NUMB: variants seen among roughly 807,000 people sequenced by gnomAD.
The protein encoded by NUMB is protein numb homolog.
NUMB carries 29 observed loss-of-function variants against 59.7 expected under a neutral mutation model. That is an observed-to-expected ratio of 0.49 (90% CI 0.36 to 0.66). NUMB has a LOEUF of 0.66. Among genes scored for constraint, NUMB ranks in the 30% least tolerant of loss-of-function variants. The probability of loss-of-function intolerance (pLI) is 0.00; values close to 1 mark genes in which losing one functional copy is unlikely to be tolerated. For synonymous variants in NUMB, 288 were observed against 288.2 expected, an observed-to-expected ratio of 1.00 and a Z score of 0.01; for missense variants, 723 against 822.0, an observed-to-expected ratio of 0.88 and a Z score of 1.47.
chr14:73,419,306 T>A (rs950829863), intron 1 of NUMB, among the ~76,000 whole-genome samples: 3 of 152,002 alleles, frequency 2.0e-5, no homozygotes, highest in Non-Finnish European at 2.9e-5. Flanking sequence ...ATCAGGAGAT[T>A]GAGACAATCC....
rs7158916 is a variant in NUMB, at chr14:73,293,398, T to C, written c.310-524A>G. Among the ~76,000 whole-genome samples the C allele has an allele frequency of 2.1e-3, 301 of 141,048 alleles. 3 individuals are homozygous for C. The highest frequency in any genetic ancestry group is 7.2e-3 in the African/African-American group (279 of 38,666). The allele number at this position is 141,048 out of a possible 152,430, so 92.5% of individuals were successfully genotyped here. On this transcript the variant is annotated intron_variant, in intron 7 of 12. Transcript: ENST00000555238. ...ATTTCCACTCGTTTCTTTTTCTTTT[T>C]TTTTTTTTTTTTTTGGACAGTCTCA...
intron 1 of NUMB, among the ~76,000 whole-genome samples, chr14:73,419,660 G>A (rs75076705): frequency 0.014 from 2,096 of 152,084 alleles, 51 homozygotes; most frequent in African/African-American, 0.047. Flanking sequence ...TAAGTAAAAC[G>A]GGGAGCTAAG....
At chr14:73,431,318 C>T (rs1480803898) in intron 1 of NUMB, among the ~76,000 whole-genome samples, 1 of 150,596 alleles carries the variant, frequency 6.6e-6, no homozygotes, top group Non-Finnish European at 1.5e-5. Context: ...GGCACTGGCG[C>T]GATCTCGGCT....
At chr14:73,332,784 G>A (rs1466484706) in intron 4 of NUMB, among the ~76,000 whole-genome samples, 10 of 35,622 alleles carry the variant, frequency 2.8e-4, no homozygotes, top group African/African-American at 1.5e-3. Flanking sequence ...CACAGCCCCC[G>A]GCAACTACCA....
chr14:73,326,624 T>C (rs908571655), intron 4 of NUMB, among the ~76,000 whole-genome samples: 2 of 149,542 alleles, frequency 1.3e-5, no homozygotes, highest in Non-Finnish European at 3.0e-5. Flanking sequence ...AGAAACTTTG[T>C]CTCAAAAAAA....
At chr14:73,328,983 C>T (rs935454592) in intron 4 of NUMB, among the ~76,000 whole-genome samples, 1 of 152,204 alleles carries the variant, frequency 6.6e-6, no homozygotes, top group African/African-American at 2.4e-5. Context: ...ATTCTTCTGC[C>T]TCATCCTCCT....
rs145284925 is a variant in NUMB, at chr14:73,418,701, G to A, written c.-232-8633C>T. ...CAAGAGAATCGCTTGAACCCGGGAG[G>A]CGGAGGTTGCAGTGAGCCGAAACTG... On this transcript the variant is annotated intron_variant, in intron 1 of 12. Coordinates refer to ENST00000555238, the MANE Select transcript of NUMB (RefSeq NM_001005743.2). Among the ~76,000 whole-genome samples, 1,025 of 152,132 alleles carry A rather than the reference G, an allele frequency of 6.7e-3. 13 individuals carry two copies. Among genetic ancestry groups the A allele is most frequent in the African/African-American group, 0.023 (959 of 41,482 alleles).
intron 1 of NUMB, among the ~76,000 whole-genome samples, chr14:73,411,942 T>TTTTG (rs1896913162): frequency 8.1e-6 from 1 of 122,730 alleles, no homozygotes. Flanking sequence ...TTTTTTTTTT[T>TTTTG]GAGACAGGGT....
chr14:73,378,241 C>T (rs571544768), intron 2 of NUMB, among the ~76,000 whole-genome samples: 134 of 152,296 alleles, frequency 8.8e-4, no homozygotes, highest in African/African-American at 3.2e-3. Flanking sequence ...ATCCAAAACA[C>T]TGACCACACC....
At chr14:73,364,569 TAGTC>T (rs1447589873) in intron 3 of NUMB, among the ~76,000 whole-genome samples, 16 of 152,244 alleles carry the variant, frequency 1.1e-4, no homozygotes, top group African/African-American at 3.8e-4. Context: ...TAGCAAACCT[TAGTC>T]ATAATAGTGA....
At chr14:73,411,390 C>G (rs778041921) in intron 1 of NUMB, among the ~76,000 whole-genome samples, 2 of 151,646 alleles carry the variant, frequency 1.3e-5, no homozygotes, top group Non-Finnish European at 2.9e-5. Context: ...GCAGATACCA[C>G]AGAATTGTGG....
intron 2 of NUMB, among the ~76,000 whole-genome samples, chr14:73,374,536 A>G (rs1245317555): frequency 6.6e-6 from 1 of 152,168 alleles, no homozygotes; most frequent in Non-Finnish European, 1.5e-5. Context: ...CTTCTATTTC[A>G]TAAGTAATTG....
At chr14:73,381,901 T>C (rs1336549451) in intron 2 of NUMB, among the ~76,000 whole-genome samples, 2 of 152,046 alleles carry the variant, frequency 1.3e-5, no homozygotes, top group Non-Finnish European at 2.9e-5. Flanking sequence ...AAAAATAAAA[T>C]GCAGAGTTAA....
chr14:73,327,265 ATTAT>A (rs1397244783), intron 4 of NUMB, among the ~76,000 whole-genome samples: 2 of 151,800 alleles, frequency 1.3e-5, no homozygotes, highest in Non-Finnish European at 2.9e-5. Context: ...GAGAATTATT[ATTAT>A]TTTTTTGAGA....
chr14:73,450,750 C>T (rs747100538), intron 1 of NUMB, among the ~76,000 whole-genome samples: 1 of 150,964 alleles, frequency 6.6e-6, no homozygotes, highest in Non-Finnish European at 1.5e-5. Context: ...GATCGTGCCA[C>T]AGCACTCCAG....
chr14:73,312,451 T>C (rs1890826803), intron 6 of NUMB, among the ~76,000 whole-genome samples: 1 of 152,090 alleles, frequency 6.6e-6, no homozygotes, highest in Non-Finnish European at 1.5e-5. Context: ...CAGTTGCTCA[T>C]GCTTGTAATC....
intron 2 of NUMB, among the ~76,000 whole-genome samples, chr14:73,382,279 T>C (rs759105742): frequency 1.8e-4 from 28 of 152,108 alleles, no homozygotes; most frequent in Non-Finnish European, 4.1e-4. Context: ...CCTGAGCAGC[T>C]GGGATTACAG....
intron 4 of NUMB, among the ~76,000 whole-genome samples, chr14:73,344,422 T>C (rs1299646715): frequency 6.6e-6 from 1 of 152,220 alleles, no homozygotes; most frequent in East Asian, 1.9e-4. Flanking sequence ...CTAAAAATAC[T>C]ATCTGTTCTA....
chr14:73,361,456 TTC>T (rs1386024661), intron 3 of NUMB, among the ~76,000 whole-genome samples: 1 of 152,150 alleles, frequency 6.6e-6, no homozygotes, highest in Non-Finnish European at 1.5e-5. Flanking sequence ...GTTTCAGAAT[TTC>T]TTTTTTTTTT....
Sources: gnomAD v4.1 joint callset for allele counts (sites outside exome capture counted in the v4.1 genomes callset) on GRCh38, gnomAD v4.1.1 for gene constraint, MANE v1.5 for transcripts, NCBI Gene and HGNC (gene_info 2026-07-23, HGNC 2026-07-21) for gene names.